The following ZFP69B variants were observed in gnomAD, a reference collection of about 807,000 sequenced individuals.
The protein encoded by ZFP69B is zinc finger protein 69 homolog B.
ZFP69B carries 20 observed loss-of-function variants against 19.7 expected under a neutral mutation model. The observed-to-expected ratio is 1.02, with a 90% CI of 0.71 to 1.48. ZFP69B has a LOEUF of 1.48. ZFP69B is among the 40% of genes most tolerant of loss of function. The pLI is 0.00. For synonymous variants in ZFP69B, 220 were observed against 222.7 expected, an observed-to-expected ratio of 0.99 and a Z score of 0.11; for missense variants, 583 against 632.6, an observed-to-expected ratio of 0.92 and a Z score of 0.84.
At chr1:40,462,058 G>T (rs886239604) in intron 4 of ZFP69B, among the ~76,000 whole-genome samples, 1 of 147,206 alleles carries the variant, frequency 6.8e-6, no homozygotes, top group Non-Finnish European at 1.5e-5. Context: ...ACCATGCCTG[G>T]TTTTTTTGTT....
At chr1:40,452,482 AAAT>A (rs774511950) in intron 1 of ZFP69B, among the ~76,000 whole-genome samples, 2 of 152,226 alleles carry the variant, frequency 1.3e-5, no homozygotes, top group Non-Finnish European at 2.9e-5. Flanking sequence ...GGGGATGGAG[AAAT>A]GAGATAAACC....
At chr1:40,457,274 G>A in intron 3 of ZFP69B, 70 bp from the exon 4 acceptor site, 2 of 1,561,646 alleles carry the variant, frequency 1.3e-6, no homozygotes, top group Non-Finnish European at 1.8e-6. Context: ...GAATACCAAA[G>A]AACCATATTT....
chr1:40,453,446 A>G (rs1381959979), intron 1 of ZFP69B, among the ~76,000 whole-genome samples: 1 of 152,216 alleles, frequency 6.6e-6, no homozygotes, highest in African/African-American at 2.4e-5. Context: ...GATAGATACT[A>G]GAATAGATAT....
rs1645315295 is a variant in ZFP69B, at chr1:40,463,666, A to G, written c.*77A>G. On this transcript the variant is annotated 3_prime_UTR_variant, in exon 5 of 5. Coordinates refer to ENST00000361584, the MANE Select transcript of ZFP69B (RefSeq NM_023070.3). ...TGGTTCCCTGATCCCTCAAAAATCC[A>G]TTTGTTTTTGGATTTCCAAAAACGA... 9 of 1,361,872 alleles carry G rather than the reference A, an allele frequency of 6.6e-6. No individual in the cohort carries two copies. The South Asian group carries it at 1.1e-4, about 17-fold the overall frequency. The allele number at this position is 1,361,872 out of a possible 1,614,324, so 84.4% of individuals were successfully genotyped here. A position where few individuals can be genotyped will look rare whatever the true frequency, so the allele number is the denominator to read the frequency against.
chr1:40,456,254 T>C (rs209610), intron 2 of ZFP69B, among the ~76,000 whole-genome samples: 45,632 of 152,024 alleles, frequency 0.3, 7,205 homozygotes, highest in East Asian at 0.48. Flanking sequence ...TTCTCCACAG[T>C]CTCCCCAGCA....
At chr1:40,451,658 G>GT (rs1489349556) in intron 1 of ZFP69B, among the ~76,000 whole-genome samples, 1 of 145,760 alleles carries the variant, frequency 6.9e-6, no homozygotes, top group Non-Finnish European at 1.5e-5. Context: ...AGACGTGGGG[G>GT]GGGGGGAATT....
At chr1:40,456,406 A>G (rs1266345128) in intron 2 of ZFP69B, among the ~76,000 whole-genome samples, 2 of 152,218 alleles carry the variant, frequency 1.3e-5, no homozygotes, top group South Asian at 4.1e-4. Flanking sequence ...ATCATACATA[A>G]TAGACACTTA....
intron 2 of ZFP69B, among the ~76,000 whole-genome samples, chr1:40,454,684 A>C (rs1645217084): frequency 6.6e-6 from 1 of 152,198 alleles, no homozygotes; most frequent in South Asian, 2.1e-4. Context: ...GGCATGAGCC[A>C]CCACGCCCAG....
At chr1:40,455,842 T>G (rs574519524) in intron 2 of ZFP69B, among the ~76,000 whole-genome samples, 1 of 152,106 alleles carries the variant, frequency 6.6e-6, no homozygotes, top group Non-Finnish European at 1.5e-5. Flanking sequence ...CACTTATGAG[T>G]GAGAACATCC....
chr1:40,460,979 C>CA (rs35932276), intron 4 of ZFP69B, among the ~76,000 whole-genome samples: 2,380 of 75,184 alleles, frequency 0.032, 70 homozygotes, highest in African/African-American at 0.069. Flanking sequence ...GACTTTGTCT[C>CA]AAAAAAAAAA....
At position 40,450,912 on chromosome 1, in the gene ZFP69B, G is replaced by A; in HGVS notation, c.-50G>A. 3 of 1,479,814 alleles carry A rather than the reference G, an allele frequency of 2.0e-6. No individual in the cohort carries two copies. Among genetic ancestry groups the A allele is most frequent in the South Asian group, 1.3e-5 (1 of 75,988 alleles). The allele number at this position is 1,479,814 out of a possible 1,614,324, so 91.7% of individuals were successfully genotyped here. On this transcript the variant is annotated 5_prime_UTR_variant, in exon 1 of 5. Transcript: ENST00000361584. ...CAATTTCCTCATCAGAGGTGGACAA[G>A]CCCTATGGGCTAAGACAGAGGGTCC...
At chr1:40,462,335 T>C in intron 4 of ZFP69B, 86 bp from the exon 5 acceptor site, 7 of 1,250,050 alleles carry the variant, frequency 5.6e-6, no homozygotes, top group Non-Finnish European at 7.8e-6. Context: ...ACCTAGTATA[T>C]ATATTTTGTC....
intron 1 of ZFP69B, among the ~76,000 whole-genome samples, chr1:40,451,653 T>TGG (rs371723102): frequency 0.058 from 6,418 of 110,312 alleles, 204 homozygotes; most frequent in South Asian, 0.083. Context: ...GAGAAAGACG[T>TGG]GGGGGGGGGG....
rs149245681 is a variant in ZFP69B, at chr1:40,457,051, A to C, written c.320A>C (p.Tyr107Ser). 1.1e-5 allele frequency: 18 copies of C among 1,608,316 alleles called. No individual in the cohort carries two copies. The African/African-American group carries it at 1.7e-4, about 16-fold the overall frequency. The change falls in exon 3 of 5, where the codon TAT becomes TCT. Residue 107 changes from tyrosine to serine, a missense_variant. Transcript: ENST00000361584. ...TACCGGGAGGTGATGCTGGAGAACT[A>C]TGGGAACCTGGTCTCAGTGGGTAAG... ...NLYREVMLEN[Y>S]GNLVSVGCQL...
intron 4 of ZFP69B, among the ~76,000 whole-genome samples, chr1:40,458,425 C>T (rs1456857626): frequency 2.0e-5 from 3 of 151,982 alleles, no homozygotes; most frequent in Non-Finnish European, 1.5e-5. Flanking sequence ...AAATCGACTC[C>T]AAAATTTCAC....
rs1457993702 is a variant in ZFP69B at position 40,460,286 on chromosome 1, AGGG to A, written c.437-2134_437-2132del. The stretch of plus-strand genomic sequence containing the variant: ...GGAGACAAGTGAAATATTTTTCAGT[AGGG>A]ACAAGTCAAATTATGTTATGTCCAT... On this transcript the variant is annotated intron_variant, in intron 4 of 4. Transcript: ENST00000361584. Among the ~76,000 whole-genome samples, 3 of 152,330 alleles carry A rather than the reference AGGG, an allele frequency of 2.0e-5. No homozygotes were observed. In the East Asian group the frequency reaches 5.8e-4, roughly 29 times the overall value.
At position 40,456,958 on chromosome 1, in the gene ZFP69B, T is replaced by G; in HGVS notation, c.227T>G (p.Phe76Cys). 6.2e-7 allele frequency: 1 copy of G among 1,613,950 alleles called. No homozygotes were observed. Among genetic ancestry groups the G allele is most frequent in the Non-Finnish European group, 8.5e-7 (1 of 1,179,914 alleles). The change falls in exon 3 of 5, where the codon TTC becomes TGC. Residue 76 changes from phenylalanine (F) to cysteine (C), a missense_variant. Physicochemically the swap from Phe to Cys is radical, Grantham distance 205 (BLOSUM62 -2). Coordinates refer to ENST00000361584, the MANE Select transcript of ZFP69B (RefSeq NM_023070.3). ...TTGATGTTCTAGGAACTGTTAACCTTCAAGGACGTATCTGTGGACTTCACT... is the reference window on the plus strand; with the variant it reads ...TTGATGTTCTAGGAACTGTTAACCTGCAAGGACGTATCTGTGGACTTCACT... ...LTAESQELLT[F>C]KDVSVDFTQE... is the part of the protein sequence containing the mutation.
Position 40,462,976 on chromosome 1 carries a change from G to T in ZFP69B, c.992G>T (p.Gly331Val). 2 of 1,614,104 alleles carry T rather than the reference G, an allele frequency of 1.2e-6. No individual in the cohort carries two copies. Among genetic ancestry groups the T allele is most frequent in the Non-Finnish European group, 1.7e-6 (2 of 1,180,022 alleles). Reference sequence around the variant, plus strand: ...ATTCCGCATCAGAGAATTCATACTGGTGAGAAACCCTATGAATGTAAGGAG... The same window carrying T: ...ATTCCGCATCAGAGAATTCATACTGTTGAGAAACCCTATGAATGTAAGGAG... The part of the protein sequence containing the change: ...SLIPHQRIHT[G>V]EKPYECKECG... Residue 331 changes from glycine to valine, a missense_variant, in exon 5 of 5, where the codon GGT (glycine) becomes GTT (valine). By Grantham distance (109) the Gly-to-Val change is moderately radical. Transcript: ENST00000361584.
chr1:40,459,994 A>G (rs991119425), intron 4 of ZFP69B, among the ~76,000 whole-genome samples: 18 of 152,294 alleles, frequency 1.2e-4, no homozygotes, highest in Admixed American at 9.8e-4. Flanking sequence ...TGCATAAAAT[A>G]TATATTCTGT....
Sources: allele counts gnomAD v4.1 joint callset (sites outside exome capture counted in the v4.1 genomes callset), GRCh38; gene constraint gnomAD v4.1.1; transcripts MANE v1.5; gene names NCBI Gene and HGNC (gene_info 2026-07-23, HGNC 2026-07-21).